Variants in SCOC observed in about 807,000 individuals in gnomAD.
SCOC encodes the protein short coiled coil protein.
Under a neutral mutation model 9.9 loss-of-function variants are expected in SCOC, and 7 were observed. That is an observed-to-expected ratio of 0.71 (90% CI 0.40 to 1.33). The LOEUF is 1.33. Among genes scored for constraint, SCOC ranks in the 40% most tolerant of loss-of-function variants. The pLI, the probability that SCOC is intolerant of heterozygous loss-of-function variation, is 0.01. For synonymous variants in SCOC, 19 were observed against 28.2 expected (o/e 0.67, Z 1.03); for missense variants, 66 against 89.7 (o/e 0.74, Z 1.07).
chr4:140,366,427 C>G, intron 2 of SCOC: 2 of 1,419,776 alleles, frequency 1.4e-6, no homozygotes, highest in Non-Finnish European at 2.0e-6. Context: ...CAGTAGCACG[C>G]TTCGCAGCAG....
chr4:140,289,785 C>T (rs1262968656), intron 1 of SCOC, among the ~76,000 whole-genome samples: 1 of 152,178 alleles, frequency 6.6e-6, no homozygotes. Context: ...GTCCCTGTGG[C>T]GATTCCATTC....
chr4:140,354,509 CTTTTTTTTTT>C (rs397878492), intron 2 of SCOC, among the ~76,000 whole-genome samples: 2 of 103,730 alleles, frequency 1.9e-5, no homozygotes, highest in African/African-American at 7.3e-5. Context: ...TCTCAAAGAA[CTTTTTTTTTT>C]TTTTTTTTTT....
At chr4:140,286,775 C>T (rs548154412) in intron 1 of SCOC, among the ~76,000 whole-genome samples, 2 of 152,200 alleles carry the variant, frequency 1.3e-5, no homozygotes, top group Non-Finnish European at 2.9e-5. Context: ...CTGTCAAGGA[C>T]GACTGTGGGA....
intron 1 of SCOC, among the ~76,000 whole-genome samples, chr4:140,309,309 T>C (rs1225248819): frequency 6.6e-6 from 1 of 152,216 alleles, no homozygotes. Flanking sequence ...GGCCATTCTC[T>C]GGCAAACATC....
At chr4:140,367,753 T>C (rs1306340202) in intron 2 of SCOC, among the ~76,000 whole-genome samples, 3 of 152,152 alleles carry the variant, frequency 2.0e-5, no homozygotes, top group Admixed American at 6.5e-5. Flanking sequence ...GATTCGTGTT[T>C]AGAGAATCAC....
upstream of SCOC, among the ~76,000 whole-genome samples, chr4:140,370,311 T>C (rs769793261): frequency 6.6e-6 from 1 of 152,186 alleles, no homozygotes; most frequent in African/African-American, 2.4e-5. Context: ...TCCAAGTGCA[T>C]TGGAAAAGAA....
chr4:140,310,905 C>T (rs139666093), intron 1 of SCOC, among the ~76,000 whole-genome samples: 126 of 152,318 alleles, frequency 8.3e-4, no homozygotes, highest in South Asian at 2.7e-3. Context: ...AGTGTAGAGA[C>T]ATAGCAGATG....
intron 2 of SCOC, chr4:140,366,673 T>A: frequency 5.0e-6 from 8 of 1,599,608 alleles, no homozygotes. Context: ...GTGTGGAAAC[T>A]TGAGGTTGAA....
intron 1 of SCOC, among the ~76,000 whole-genome samples, chr4:140,258,443 G>A (rs1230606521): frequency 6.6e-6 from 1 of 152,076 alleles, no homozygotes; most frequent in Non-Finnish European, 1.5e-5. Context: ...TTTTGATTAA[G>A]GGTTACCCTA....
intron 1 of SCOC, among the ~76,000 whole-genome samples, chr4:140,375,752 C>G (rs1221173623): frequency 1.3e-5 from 2 of 152,174 alleles, no homozygotes; most frequent in Non-Finnish European, 2.9e-5. Flanking sequence ...ATTCTAGATT[C>G]CCTTCCACTA....
chr4:140,308,410 A>T (rs933212826), intron 1 of SCOC, among the ~76,000 whole-genome samples: 1 of 152,194 alleles, frequency 6.6e-6, no homozygotes, highest in African/African-American at 2.4e-5. Flanking sequence ...GAAAGACTGT[A>T]TGCACACTGG....
At chr4:140,323,082 C>G (rs1431397187) in intron 1 of SCOC, among the ~76,000 whole-genome samples, 1 of 152,112 alleles carries the variant, frequency 6.6e-6, no homozygotes, top group Non-Finnish European at 1.5e-5. Flanking sequence ...TTGTCCCCTT[C>G]AAATCTCATG....
chr4:140,325,796 C>T (rs528773103), intron 1 of SCOC, among the ~76,000 whole-genome samples: 2 of 152,226 alleles, frequency 1.3e-5, no homozygotes, highest in South Asian at 4.1e-4. Context: ...TAAACATATA[C>T]TTACCACATG....
At chr4:140,373,337 A>T (rs1728142770), upstream of SCOC, 3 of 1,416,812 alleles carry the variant, frequency 2.1e-6, no homozygotes, top group South Asian at 4.6e-5. Context: ...TCTCACTCCA[A>T]TTCTCAGGTT....
At chr4:140,315,080 G>T (rs571988748) in intron 1 of SCOC, among the ~76,000 whole-genome samples, 1 of 152,272 alleles carries the variant, frequency 6.6e-6, no homozygotes, top group East Asian at 1.9e-4. Context: ...CCCACTTAAA[G>T]AACTTGGTTT....
upstream of SCOC, chr4:140,369,360 G>GA (rs969150631): frequency 1.6e-5 from 6 of 368,038 alleles, no homozygotes; most frequent in East Asian, 7.9e-5. Flanking sequence ...CCTTTCAAGT[G>GA]AAAAAAATGA....
intron 1 of SCOC, chr4:140,284,117 A>AAGAGACTG (rs1205209441): frequency 1.3e-5 from 2 of 152,176 alleles, no homozygotes; most frequent in Admixed American, 1.3e-4. Flanking sequence ...GAGAGGACCT[A>AAGAGACTG]AGAGACTGAG....
chr4:140,373,418 C>T (rs1293343173), upstream of SCOC: 2 of 1,503,238 alleles, frequency 1.3e-6, no homozygotes, highest in Non-Finnish European at 8.9e-7. Context: ...TTGGCTGTCG[C>T]TGTTCCAGGT....
At chr4:140,355,909 A>G (rs1173997045) in intron 2 of SCOC, among the ~76,000 whole-genome samples, 2 of 152,242 alleles carry the variant, frequency 1.3e-5, no homozygotes, top group South Asian at 2.1e-4. Flanking sequence ...TTCATAAAAA[A>G]TGAGATTAAT....
Sources: gnomAD v4.1 joint callset for allele counts (sites outside exome capture counted in the v4.1 genomes callset) on GRCh38, gnomAD v4.1.1 for gene constraint, MANE v1.5 for transcripts, NCBI Gene and HGNC (gene_info 2026-07-23, HGNC 2026-07-21) for gene names.